SBF2: variants seen among roughly 807,000 people sequenced by gnomAD.
SBF2 encodes the protein myotubularin-related protein 13.
Under a neutral mutation model 225.2 loss-of-function variants are expected in SBF2, and 112 were observed. That is an observed-to-expected ratio of 0.50 (90% confidence interval 0.43 to 0.58). The LOEUF (loss-of-function observed/expected upper bound fraction) is 0.58. SBF2 is among the 20% of genes least tolerant of loss of function. SBF2 has a pLI of 0.00. For missense variants in SBF2, 1,996 were observed against 2,206.2 expected (o/e 0.90, Z 1.91); for synonymous variants, 763 against 773.3 (o/e 0.99, Z 0.22).
At chr11:9,878,121 T>C (rs1295566184) in intron 17 of SBF2, among the ~76,000 whole-genome samples, 1 of 152,202 alleles carries the variant, frequency 6.6e-6, no homozygotes, top group African/African-American at 2.4e-5. Context: ...TCATTGTGGT[T>C]TTGATTTGCA....
In SBF2 at chr11:9,812,642, C is replaced by T. The variant is rs1215695892; in HGVS notation, c.4045G>A (p.Val1349Met). 2 of 1,614,206 alleles carry T rather than the reference C, an allele frequency of 1.2e-6. No homozygotes were observed. The highest frequency in any genetic ancestry group is 1.1e-5 in the South Asian group (1 of 91,088). ...VPVEFHEIRQ[V>M]KASFKKLMRA... ...ATCAGCTTCTTAAAACTGGCTTTCA[C>T]TTGCCGGATTTCATGAAATTCAACA... is the stretch of plus-strand genomic sequence containing the variant. Residue 1349 changes from valine (V) to methionine (M), a missense_variant, in exon 30 of 40, where the codon GTG becomes ATG. Val to Met is a conservative substitution (Grantham distance 21, BLOSUM62 1). Transcript: ENST00000256190.
At chr11:10,269,095 G>A (rs190793298) in intron 1 of SBF2, among the ~76,000 whole-genome samples, 1 of 152,232 alleles carries the variant, frequency 6.6e-6, no homozygotes, top group Admixed American at 6.5e-5. Flanking sequence ...TTTCTGCAAG[G>A]CATTTTAGCA....
intron 6 of SBF2, among the ~76,000 whole-genome samples, chr11:10,004,574 T>TAAAAAAAAAA (rs763688115): frequency 7.0e-5 from 6 of 85,530 alleles, no homozygotes; most frequent in East Asian, 3.3e-4. Flanking sequence ...CTACAAAAAT[T>TAAAAAAAAAA]AAAAAAAAAA....
chr11:10,067,313 T>C (rs1435744180), intron 2 of SBF2, among the ~76,000 whole-genome samples: 1 of 152,212 alleles, frequency 6.6e-6, no homozygotes, highest in African/African-American at 2.4e-5. Context: ...TGAATAAATC[T>C]ACAGATTTGA....
intron 16 of SBF2, chr11:9,958,991 T>C (rs1866381616): frequency 1.5e-5 from 13 of 868,858 alleles, no homozygotes; most frequent in Admixed American, 8.4e-5. Flanking sequence ...AGTTTCTTGA[T>C]GGCCTCCTCA....
intron 6 of SBF2, among the ~76,000 whole-genome samples, chr11:10,012,501 C>T (rs1807393807): frequency 6.6e-6 from 1 of 152,156 alleles, no homozygotes; most frequent in Non-Finnish European, 1.5e-5. Flanking sequence ...TCAGTTTTTA[C>T]TTCACTACTG....
At chr11:9,943,572 A>C (rs1429209201) in intron 16 of SBF2, among the ~76,000 whole-genome samples, 1 of 152,182 alleles carries the variant, frequency 6.6e-6, no homozygotes, top group Non-Finnish European at 1.5e-5. Context: ...GGGCAAAAGA[A>C]GCAAAAGGCA....
At chr11:9,781,250 G>A (rs1182521805) in intron 39 of SBF2, among the ~76,000 whole-genome samples, 2 of 152,230 alleles carry the variant, frequency 1.3e-5, no homozygotes, top group Non-Finnish European at 2.9e-5. Context: ...TTAACAAGGA[G>A]TTCATCTGTT....
intron 2 of SBF2, among the ~76,000 whole-genome samples, chr11:10,109,798 A>G (rs569045395): frequency 5.9e-5 from 9 of 152,226 alleles, no homozygotes; most frequent in South Asian, 4.1e-4. Context: ...TCATAAAACA[A>G]TATTTGAGAA....
At chr11:10,115,873 T>C (rs114339381) in intron 2 of SBF2, among the ~76,000 whole-genome samples, 2 of 152,210 alleles carry the variant, frequency 1.3e-5, no homozygotes, top group East Asian at 1.9e-4. Flanking sequence ...ATATAAAATA[T>C]TTGTTTATCT....
intron 2 of SBF2, among the ~76,000 whole-genome samples, chr11:10,153,595 T>G (rs1955326270): frequency 1.3e-5 from 2 of 152,104 alleles, no homozygotes; most frequent in South Asian, 4.1e-4. Context: ...AATCAATGAC[T>G]TCAGCTTCTA....
At chr11:9,963,086 G>A (rs575287958) in intron 15 of SBF2, among the ~76,000 whole-genome samples, 7 of 152,212 alleles carry the variant, frequency 4.6e-5, no homozygotes, top group African/African-American at 1.7e-4. Context: ...GCTCTAAGGA[G>A]GCACATTTAA....
intron 2 of SBF2, among the ~76,000 whole-genome samples, chr11:10,077,254 T>A (rs932313712): frequency 2.0e-5 from 3 of 151,954 alleles, no homozygotes; most frequent in Non-Finnish European, 4.4e-5. Flanking sequence ...TTCAATGCCA[T>A]CCCCATCAAG....
intron 17 of SBF2, among the ~76,000 whole-genome samples, chr11:9,877,318 G>A (rs937115359): frequency 2.6e-5 from 4 of 152,088 alleles, no homozygotes; most frequent in Non-Finnish European, 4.4e-5. Flanking sequence ...ATTTTTGTAT[G>A]CTCATTAAGA....
chr11:9,946,253 T>C (rs1326287824), intron 16 of SBF2, among the ~76,000 whole-genome samples: 1 of 152,104 alleles, frequency 6.6e-6, no homozygotes, highest in East Asian at 1.9e-4. Flanking sequence ...TAAGCAGCCA[T>C]ACAAAAATGA....
chr11:10,229,618 T>C (rs967042819), intron 1 of SBF2, among the ~76,000 whole-genome samples: 38 of 152,088 alleles, frequency 2.5e-4, no homozygotes, highest in Admixed American at 5.9e-4. Context: ...TGTAGTTGAG[T>C]GGTTTTGAGT....
chr11:9,816,887 T>G lies in SBF2; in HGVS notation c.3931A>C (p.Lys1311Gln). The G allele has an allele frequency of 6.2e-7, 1 of 1,614,148 alleles. No homozygotes were observed. ...NSSYLQNQLLKRQAALYIFGE... is the reference protein window; with the variant it reads ...NSSYLQNQLLQRQAALYIFGE... ...AATATGTAAAGGGCTGCTTGCCGTTTCAAGAGCTGGTTTTGTAGGTAGCTG... is the reference window on the plus strand; with the variant it reads ...AATATGTAAAGGGCTGCTTGCCGTTGCAAGAGCTGGTTTTGTAGGTAGCTG... The change falls in exon 29 of 40, where the codon AAA (lysine) becomes CAA (glutamine). Residue 1311 changes from lysine (K) to glutamine (Q), a missense_variant. Physicochemically the swap from Lys to Gln is moderately conservative, Grantham distance 53. Coordinates refer to ENST00000256190, the MANE Select transcript of SBF2 (RefSeq NM_030962.4).
chr11:10,148,826 G>A (rs1955018213), intron 2 of SBF2, among the ~76,000 whole-genome samples: 1 of 152,146 alleles, frequency 6.6e-6, no homozygotes, highest in Admixed American at 6.5e-5. Flanking sequence ...TGAACATTGT[G>A]AAGGAAGAAA....
intron 17 of SBF2, among the ~76,000 whole-genome samples, chr11:9,862,596 T>G (rs1214315887): frequency 6.6e-6 from 1 of 152,190 alleles, no homozygotes; most frequent in African/African-American, 2.4e-5. Flanking sequence ...ACCTGTAATA[T>G]AATTATGTAG....
Sources: gnomAD v4.1 joint callset for allele counts (sites outside exome capture counted in the v4.1 genomes callset) on GRCh38, gnomAD v4.1.1 for gene constraint, MANE v1.5 for transcripts, NCBI Gene and HGNC (gene_info 2026-07-23, HGNC 2026-07-21) for gene names.